Variants in ZPLD1 observed in about 807,000 individuals in gnomAD.
ZPLD1 encodes the protein zona pellucida-like domain-containing protein 1.
A neutral mutation model predicts 47.2 loss-of-function variants in ZPLD1; 34 were observed. That is an observed-to-expected ratio of 0.72 (90% CI 0.55 to 0.96). ZPLD1 has a LOEUF of 0.96. Ranked by LOEUF, ZPLD1 falls within the 40% of genes least tolerant of loss-of-function variation. The pLI is 0.00. For missense variants in ZPLD1, 512 were observed against 505.8 expected (o/e 1.01, Z -0.12); for synonymous variants, 176 against 186.2 (o/e 0.95, Z 0.45).
At chr3:102,385,270 T>G (rs530289954) in exon 6 of ZPLD1, 1 of 152,376 alleles carries the variant, frequency 6.6e-6, no homozygotes, top group East Asian at 1.9e-4. Flanking sequence ...CCATTCTGCC[T>G]CTTCCAAAAG....
At chr3:102,392,578 C>T (rs1257897496) in intron 7 of ZPLD1, among the ~76,000 whole-genome samples, 6 of 136,310 alleles carry the variant, frequency 4.4e-5, no homozygotes, top group Admixed American at 3.0e-4. Flanking sequence ...TCCTCCTTCC[C>T]CCTTCCTTCT....
intron 7 of ZPLD1, among the ~76,000 whole-genome samples, chr3:102,406,707 A>G (rs923356961): frequency 6.6e-6 from 1 of 151,950 alleles, no homozygotes; most frequent in Non-Finnish European, 1.5e-5. Flanking sequence ...AGTTCTTAAA[A>G]AATGAATGAT....
intron 7 of ZPLD1, among the ~76,000 whole-genome samples, chr3:102,395,554 ATGCAGTCGTTGCTGACACCT>A (rs1388314934): frequency 2.6e-5 from 4 of 152,182 alleles, no homozygotes; most frequent in Admixed American, 6.5e-5. Context: ...TCCTGAAGGA[ATGCAGTCGTTGCTGACACCT>A]TGATTTTAGC....
intron 8 of ZPLD1, among the ~76,000 whole-genome samples, chr3:102,466,934 C>T (rs1707602715): frequency 6.6e-6 from 1 of 151,388 alleles, no homozygotes; most frequent in South Asian, 2.1e-4. Flanking sequence ...GGAACACTTT[C>T]CTAAATTAAA....
At chr3:102,477,373 T>TA in intron 11 of ZPLD1, 70 bp from the exon 12 acceptor site, 1 of 1,485,810 alleles carries the variant, frequency 6.7e-7, no homozygotes, top group South Asian at 1.3e-5. Flanking sequence ...GTTTTGCAGG[T>TA]AAAATTGGGT....
chr3:102,387,464 A>G (rs1199967861), intron 6 of ZPLD1, among the ~76,000 whole-genome samples: 1 of 152,138 alleles, frequency 6.6e-6, no homozygotes, highest in Non-Finnish European at 1.5e-5. Context: ...AATTTATATT[A>G]GGTATTTTTT....
intron 7 of ZPLD1, among the ~76,000 whole-genome samples, chr3:102,397,164 GA>G (rs1271774430): frequency 3.3e-5 from 5 of 151,972 alleles, no homozygotes; most frequent in African/African-American, 9.7e-5. Flanking sequence ...ATTACAGTCA[GA>G]AAAAAATTTT....
At chr3:102,449,362 A>G (rs115872394) in intron 3 of ZPLD1, among the ~76,000 whole-genome samples, 1,629 of 152,306 alleles carry the variant, frequency 0.011, 30 homozygotes, top group African/African-American at 0.038. Flanking sequence ...CCTCTAATGG[A>G]CTGTAATACA....
intron 3 of ZPLD1, among the ~76,000 whole-genome samples, chr3:102,445,687 G>A (rs1559753749): frequency 6.6e-6 from 1 of 152,112 alleles, no homozygotes; most frequent in African/African-American, 2.4e-5. Context: ...TTAGAACATG[G>A]TACCCATGAT....
At chr3:102,458,682 T>A (rs192336688) in intron 6 of ZPLD1, among the ~76,000 whole-genome samples, 2 of 152,274 alleles carry the variant, frequency 1.3e-5, no homozygotes, top group African/African-American at 2.4e-5. Flanking sequence ...CAAAGGCATT[T>A]AAAAAAATCA....
chr3:102,387,649 T>C (rs1706445566), intron 6 of ZPLD1, among the ~76,000 whole-genome samples: 2 of 152,166 alleles, frequency 1.3e-5, no homozygotes, highest in African/African-American at 4.8e-5. Context: ...GCATCCAGTA[T>C]TTATGGTTAA....
chr3:102,479,635 T>C lies in ZPLD1; in HGVS notation c.*2017T>C, dbSNP rs905636687. The C allele has an allele frequency of 6.6e-6, 1 of 152,164 alleles. No homozygotes were observed. The highest frequency in any genetic ancestry group is 1.5e-5 in the Non-Finnish European group (1 of 68,018). 9.4% of individuals were successfully genotyped at this position (152,164 alleles called of 1,614,324 possible). ...TATAATGAGATAAACCAGGTCTGTT[T>C]TTTACAACTTTGTTCTTATAAATCT... On this transcript the variant is annotated 3_prime_UTR_variant, in exon 12 of 12. Transcript: ENST00000466937.
intron 3 of ZPLD1, among the ~76,000 whole-genome samples, chr3:102,443,048 T>C (rs1319747360): frequency 6.6e-6 from 1 of 152,158 alleles, no homozygotes; most frequent in Non-Finnish European, 1.5e-5. Context: ...CTAGTGTATA[T>C]TTTCCGAAGC....
intron 7 of ZPLD1, among the ~76,000 whole-genome samples, chr3:102,396,538 A>G (rs1706559617): frequency 6.6e-6 from 1 of 152,182 alleles, no homozygotes; most frequent in Non-Finnish European, 1.5e-5. Flanking sequence ...TTTTAGCTAC[A>G]TAAAACTGTG....
At chr3:102,440,731 G>GA (rs77649810) in intron 3 of ZPLD1, among the ~76,000 whole-genome samples, 5,653 of 112,730 alleles carry the variant, frequency 0.05, 296 homozygotes, top group African/African-American at 0.13. Context: ...TTGTGATTGG[G>GA]AAAAAAAAAA....
At chr3:102,388,026 A>C (rs550958728) in intron 6 of ZPLD1, among the ~76,000 whole-genome samples, 3 of 151,954 alleles carry the variant, frequency 2.0e-5, no homozygotes, top group Admixed American at 2.0e-4. Context: ...ACGCCCAGCT[A>C]ATTTTTTGTA....
chr3:102,466,543 T>A (rs769672838), intron 8 of ZPLD1, among the ~76,000 whole-genome samples: 9 of 152,046 alleles, frequency 5.9e-5, no homozygotes, highest in African/African-American at 1.9e-4. Flanking sequence ...AAAAGCATCA[T>A]GGTTATGAAG....
At chr3:102,466,102 G>A (rs1235499627) in intron 8 of ZPLD1, among the ~76,000 whole-genome samples, 1 of 152,182 alleles carries the variant, frequency 6.6e-6, no homozygotes, top group Non-Finnish European at 1.5e-5. Flanking sequence ...AAAGGTAAAG[G>A]AATCGCCTGG....
rs568364306 is a variant in ZPLD1, at chr3:102,438,354, G to C, written c.-8-126G>C. 4.6e-5 allele frequency: 28 copies of C among 611,878 alleles called. 1 individual carries two copies. The South Asian group carries it at 6.0e-4, about 13-fold the overall frequency. The allele number at this position is 611,878 out of a possible 1,614,324, so 37.9% of individuals were successfully genotyped here. On this transcript the variant is annotated intron_variant, in intron 2 of 11. Transcript: ENST00000466937. The stretch of plus-strand genomic sequence containing the variant: ...TACCGATAATCCTCAGTTATTTCGT[G>C]AGCTTTGGCTGCATGGATGTAAACT...
Sources: gnomAD v4.1 joint callset for allele counts (sites outside exome capture counted in the v4.1 genomes callset) on GRCh38, gnomAD v4.1.1 for gene constraint, MANE v1.5 for transcripts, NCBI Gene and HGNC (gene_info 2026-07-23, HGNC 2026-07-21) for gene names.